Variants in PEAK1 observed in about 807,000 individuals in gnomAD.
PEAK1 encodes the protein inactive tyrosine-protein kinase PEAK1.
In PEAK1, 54 loss-of-function variants were observed where a neutral mutation model predicts 124.7. The observed-to-expected ratio is 0.43, with a 90% confidence interval of 0.35 to 0.54. The LOEUF is 0.54. Among genes scored for constraint, PEAK1 ranks in the 20% least tolerant of loss-of-function variants. The pLI is 0.01. For synonymous variants in PEAK1, 719 were observed against 760.0 expected, an observed-to-expected ratio of 0.95 and a Z score of 0.89; for missense variants, 2,046 against 2,134.5, an observed-to-expected ratio of 0.96 and a Z score of 0.82.
chr15:77,352,091 ATGCCTG>A, intron 2 of PEAK1: 1 of 820,046 alleles, frequency 1.2e-6, no homozygotes, highest in Non-Finnish European at 1.5e-6. Context: ...ATGGTGATAC[ATGCCTG>A]TGGTTCCAGC....
At chr15:77,363,719 G>C (rs2068046541) in intron 2 of PEAK1, among the ~76,000 whole-genome samples, 1 of 152,106 alleles carries the variant, frequency 6.6e-6, no homozygotes, top group African/African-American at 2.4e-5. Context: ...TCATAAAAAG[G>C]AATCAAGGTT....
rs116599704 is a variant in PEAK1, at chr15:77,229,936, G to A, written c.-115+22431C>T. Reference sequence around the variant, plus strand: ...TGCTGGGATTACAGGTGTGAGCCACGACACCTGGATTTCTTTAGCTGTTTC... The same window carrying A: ...TGCTGGGATTACAGGTGTGAGCCACAACACCTGGATTTCTTTAGCTGTTTC... On this transcript the variant is annotated intron_variant, in intron 6 of 9. Transcript: ENST00000682557. Among the ~76,000 whole-genome samples, 583 of 151,744 alleles carry A rather than the reference G, an allele frequency of 3.8e-3. 5 individuals carry two copies. The highest frequency in any genetic ancestry group is 0.014 in the African/African-American group (573 of 41,424).
At chr15:77,270,999 C>T (rs772128427) in intron 5 of PEAK1, among the ~76,000 whole-genome samples, 2 of 152,058 alleles carry the variant, frequency 1.3e-5, no homozygotes, top group African/African-American at 2.4e-5. Context: ...AGGCAACCTA[C>T]AGAATGGGAG....
intron 6 of PEAK1, among the ~76,000 whole-genome samples, chr15:77,182,460 C>A (rs1053112451): frequency 2.0e-5 from 3 of 151,894 alleles, no homozygotes; most frequent in African/African-American, 4.8e-5. Context: ...GAAAATGAAG[C>A]TTCGGGGCTG....
chr15:77,386,763 G>T (rs2069979885), intron 1 of PEAK1, among the ~76,000 whole-genome samples: 1 of 152,156 alleles, frequency 6.6e-6, no homozygotes, highest in African/African-American at 2.4e-5. Context: ...CATCACATCA[G>T]ACCATGTGCA....
intron 2 of PEAK1, among the ~76,000 whole-genome samples, chr15:77,288,821 C>T (rs1468959012): frequency 2.0e-5 from 3 of 149,846 alleles, no homozygotes; most frequent in Non-Finnish European, 3.0e-5. Flanking sequence ...CCCAGCTACT[C>T]GGGAGACTGA....
In PEAK1 at chr15:77,181,010, G is replaced by A. The variant is rs1414567740; in HGVS notation, c.917C>T (p.Ala306Val). ...ATCATAGCTGTCATCATAGTCCACA[G>A]CACAGATTCTCTGCAGAGACTTGTT... ...LRNKSLQRIC[A>V]VDYDDSYDEI... is the part of the protein sequence containing the mutation. Residue 306 changes from alanine (A) to valine (V), a missense_variant, in exon 7 of 10, where the codon GCT (alanine) becomes GTT (valine). By Grantham distance (64) the Ala-to-Val change is moderately conservative (BLOSUM62 0). Coordinates refer to ENST00000682557, the MANE Select transcript of PEAK1 (RefSeq NM_001385026.1). The A allele has an allele frequency of 5.6e-6, 9 of 1,614,188 alleles. No individual in the cohort carries two copies. The highest frequency in any genetic ancestry group is 7.6e-6 in the Non-Finnish European group (9 of 1,180,014).
At chr15:77,144,551 C>G (rs1385434898) in intron 8 of PEAK1, among the ~76,000 whole-genome samples, 5 of 152,204 alleles carry the variant, frequency 3.3e-5, no homozygotes, top group African/African-American at 9.6e-5. Context: ...GACTGAGAGA[C>G]AGAGTCAACA....
intron 2 of PEAK1, chr15:77,355,676 A>C: frequency 1.2e-6 from 1 of 817,966 alleles, no homozygotes; most frequent in Non-Finnish European, 1.5e-6. Context: ...GCATGGAAGA[A>C]GGCTTACTCA....
At chr15:77,163,127 G>C (rs2055806146) in intron 7 of PEAK1, among the ~76,000 whole-genome samples, 1 of 152,070 alleles carries the variant, frequency 6.6e-6, no homozygotes. Flanking sequence ...CCTACTTTTT[G>C]TCCTGAACCT....
chr15:77,417,121 T>A (rs183916553), intron 1 of PEAK1, among the ~76,000 whole-genome samples: 1 of 152,186 alleles, frequency 6.6e-6, no homozygotes. Context: ...CTGAGTCAGC[T>A]ACCCCTCCTC....
At chr15:77,309,409 C>G (rs2064299894) in intron 2 of PEAK1, among the ~76,000 whole-genome samples, 1 of 151,748 alleles carries the variant, frequency 6.6e-6, no homozygotes, top group South Asian at 2.1e-4. Context: ...TAATTAATGA[C>G]AGAATGTGCA....
At chr15:77,350,054 CATG>C in intron 2 of PEAK1, 1 of 985,344 alleles carries the variant, frequency 1.0e-6, no homozygotes, top group Non-Finnish European at 1.2e-6. Context: ...GCTCAGCCAC[CATG>C]ATAGTTTTCA....
In PEAK1 at chr15:77,210,802, C is replaced by T. The variant is rs148613095; in HGVS notation, c.-114-28762G>A. On this transcript the variant is annotated intron_variant, in intron 6 of 9. Coordinates refer to ENST00000682557, the MANE Select transcript of PEAK1 (RefSeq NM_001385026.1). ...GGCTGAGGCAGGAGAATGGCTTGAA[C>T]CTGGGAGGTGGAGGATGCAGTGAAC... 1.6e-4 allele frequency among the ~76,000 whole-genome samples: 24 copies of T among 152,280 alleles called. 1 individual carries two copies. In the East Asian group the frequency reaches 4.1e-3, roughly 26 times the overall value.
At chr15:77,356,294 C>T (rs752719032) in intron 2 of PEAK1, among the ~76,000 whole-genome samples, 21 of 151,948 alleles carry the variant, frequency 1.4e-4, no homozygotes, top group Admixed American at 3.3e-4. Context: ...AAAAGTTTTT[C>T]TTAAAAGATC....
chr15:77,172,862 T>TC (rs1253883798), intron 7 of PEAK1, among the ~76,000 whole-genome samples: 1 of 152,040 alleles, frequency 6.6e-6, no homozygotes, highest in Non-Finnish European at 1.5e-5. Context: ...AAACGATCCT[T>TC]CCACCTCAGC....
intron 2 of PEAK1, among the ~76,000 whole-genome samples, chr15:77,339,029 G>A (rs753639265): frequency 2.6e-5 from 4 of 151,974 alleles, no homozygotes; most frequent in African/African-American, 4.8e-5. Flanking sequence ...GAAGGGGAGA[G>A]GGATGAGATA....
Position 77,100,690 on chromosome 15 carries a change from T to C in PEAK1, c.*13466A>G, listed in dbSNP as rs543690263. ...ACTTTATTAGCTGAAAAGATAAATTTAAACCACAGACTCATAGCAAAAAGA... is the reference window on the plus strand; with the variant it reads ...ACTTTATTAGCTGAAAAGATAAATTCAAACCACAGACTCATAGCAAAAAGA... On this transcript the variant is annotated 3_prime_UTR_variant, in exon 7 of 7. Transcript: ENST00000560626. The C allele has an allele frequency of 7.2e-5, 11 of 152,310 alleles. No homozygotes were observed. In the East Asian group the frequency reaches 2.1e-3, roughly 29 times the overall value. The allele number at this position is 152,310 out of a possible 1,614,324, so 9.4% of individuals were successfully genotyped here. A position where few individuals can be genotyped will look rare whatever the true frequency, so the allele number is the denominator to read the frequency against.
intron 9 of PEAK1, among the ~76,000 whole-genome samples, chr15:77,121,032 T>G (rs2051867890): frequency 6.6e-6 from 1 of 152,230 alleles, no homozygotes; most frequent in Non-Finnish European, 1.5e-5. Flanking sequence ...TCTCTATTAT[T>G]GCAGTTATCA....
Sources: allele counts gnomAD v4.1 joint callset (sites outside exome capture counted in the v4.1 genomes callset), GRCh38; gene constraint gnomAD v4.1.1; transcripts MANE v1.5; gene names NCBI Gene and HGNC (gene_info 2026-07-23, HGNC 2026-07-21).